The following CDH8 variants were observed in gnomAD, a reference collection of about 807,000 sequenced individuals.
CDH8 encodes the protein cadherin-8.
Under a neutral mutation model 68.1 loss-of-function variants are expected in CDH8, and 17 were observed. The ratio of observed to expected loss-of-function variants is 0.25; its 90% CI spans 0.17 to 0.37. The LOEUF (loss-of-function observed/expected upper bound fraction) is 0.37. Ranked by LOEUF, CDH8 falls within the 10% of genes least tolerant of loss-of-function variation. The pLI is 1.00. For missense variants in CDH8, 763 were observed against 999.3 expected, an observed-to-expected ratio of 0.76 and a Z score of 3.19; for synonymous variants, 372 against 365.1, an observed-to-expected ratio of 1.02 and a Z score of -0.21.
chr16:61,789,899 A>G (rs2083212381), intron 7 of CDH8, among the ~76,000 whole-genome samples: 1 of 152,006 alleles, frequency 6.6e-6, no homozygotes, highest in South Asian at 2.1e-4. Flanking sequence ...TTCAAATAAA[A>G]CATGTATTTT....
chr16:61,715,691 T>C (rs1332649288), intron 9 of CDH8, among the ~76,000 whole-genome samples: 4 of 151,674 alleles, frequency 2.6e-5, no homozygotes, highest in African/African-American at 9.7e-5. Context: ...TTATATTTAC[T>C]GTACCTAAAC....
At chr16:61,673,968 C>T (rs911555913) in intron 10 of CDH8, among the ~76,000 whole-genome samples, 4 of 152,038 alleles carry the variant, frequency 2.6e-5, no homozygotes, top group African/African-American at 9.7e-5. Flanking sequence ...ATCCAAGAGG[C>T]CTGGCCAGAA....
Position 61,974,687 on chromosome 16 carries a change from C to A in CDH8, c.252+46465G>T, listed in dbSNP as rs988638621. ...CCGCATCACAGCGAAGTATTCTCTG[C>A]ATATTTTGTTTCAGCGTCTTAAGTG... On this transcript the variant is annotated intron_variant, in intron 2 of 11. Transcript: ENST00000577390. Among the ~76,000 whole-genome samples, 11 of 152,142 alleles carry A rather than the reference C, an allele frequency of 7.2e-5. No individual in the cohort carries two copies. In the East Asian group the frequency reaches 9.6e-4, roughly 13 times the overall value.
intron 3 of CDH8, among the ~76,000 whole-genome samples, chr16:61,885,858 T>C (rs962658417): frequency 1.3e-5 from 2 of 152,158 alleles, no homozygotes; most frequent in African/African-American, 4.8e-5. Flanking sequence ...TTAACAGTAA[T>C]TTCAAAAAGA....
At position 62,013,171 on chromosome 16, in the gene CDH8, C is replaced by T. The variant is rs1198700863; in HGVS notation, c.252+7981G>A. On this transcript the variant is annotated intron_variant, in intron 2 of 11. Coordinates refer to ENST00000577390, the MANE Select transcript of CDH8 (RefSeq NM_001796.5). ...TGGGGAGGCTGAGGCAGGAGAATGG[C>T]GTGAACCCGGGAAGCGGAGCTTGCA... Among the ~76,000 whole-genome samples, 4 of 69,304 alleles carry T rather than the reference C, an allele frequency of 5.8e-5. 2 individuals carry two copies. Among genetic ancestry groups the T allele is most frequent in the African/African-American group, 1.0e-4 (2 of 19,328 alleles). 45.5% of individuals were successfully genotyped at this position (69,304 alleles called of 152,430 possible). A position where few individuals can be genotyped will look rare whatever the true frequency, so the allele number is the denominator to read the frequency against.
At chr16:61,703,538 C>T (rs531972658) in intron 10 of CDH8, among the ~76,000 whole-genome samples, 33 of 152,190 alleles carry the variant, frequency 2.2e-4, no homozygotes, top group Admixed American at 2.0e-3. Context: ...AAACTATGCA[C>T]TGATAAAATG....
chr16:61,943,246 G>T (rs573392023), intron 2 of CDH8, among the ~76,000 whole-genome samples: 2 of 152,282 alleles, frequency 1.3e-5, no homozygotes, highest in East Asian at 3.9e-4. Flanking sequence ...GCCTTATCTG[G>T]ATTCGTCTGT....
At chr16:61,733,454 AAAAT>A (rs1400265532) in intron 8 of CDH8, among the ~76,000 whole-genome samples, 1 of 151,876 alleles carries the variant, frequency 6.6e-6, no homozygotes, top group Non-Finnish European at 1.5e-5. Flanking sequence ...ATTTGACACT[AAAAT>A]AAAATAATAA....
At chr16:61,800,697 T>C (rs1009713399) in intron 7 of CDH8, among the ~76,000 whole-genome samples, 2 of 152,168 alleles carry the variant, frequency 1.3e-5, no homozygotes, top group Non-Finnish European at 2.9e-5. Context: ...TTCATACTCA[T>C]GGGGTAGAGC....
intron 2 of CDH8, among the ~76,000 whole-genome samples, chr16:62,014,481 C>T (rs1901889233): frequency 6.6e-6 from 1 of 152,148 alleles, no homozygotes; most frequent in Non-Finnish European, 1.5e-5. Context: ...ATTGTTCCCA[C>T]AAGGCCAAAG....
chr16:61,883,711 G>A (rs1046927796), intron 3 of CDH8, among the ~76,000 whole-genome samples: 9 of 151,044 alleles, frequency 6.0e-5, no homozygotes, highest in African/African-American at 2.0e-4. Context: ...ACTAAGAGGT[G>A]GATTCAATGC....
chr16:61,930,318 C>T (rs973665974), intron 2 of CDH8, among the ~76,000 whole-genome samples: 17 of 150,386 alleles, frequency 1.1e-4, no homozygotes, highest in African/African-American at 3.7e-4. Context: ...CCTATGTATA[C>T]GCAGGCATTT....
Position 61,824,920 on chromosome 16 carries a change from G to A in CDH8, c.835+92C>T, listed in dbSNP as rs1207425267. 2.8e-6 allele frequency: 3 copies of A among 1,089,686 alleles called. No homozygotes were observed. The South Asian group carries it at 4.3e-5, about 16-fold the overall frequency. The allele number at this position is 1,089,686 out of a possible 1,614,324, so 67.5% of individuals were successfully genotyped here. On this transcript the variant is annotated intron_variant, in intron 5 of 11. Coordinates refer to ENST00000577390, the MANE Select transcript of CDH8 (RefSeq NM_001796.5). ...CATAATAAGCCACTCAATAGTTGCTGTCAGGTTTTTAATTATCACTAAAAA... is the reference window on the plus strand; with the variant it reads ...CATAATAAGCCACTCAATAGTTGCTATCAGGTTTTTAATTATCACTAAAAA...
At chr16:62,025,385 A>T (rs57552892) in intron 1 of CDH8, among the ~76,000 whole-genome samples, 74,715 of 151,490 alleles carry the variant, frequency 0.49, 19,457 homozygotes, top group African/African-American at 0.67. Flanking sequence ...TGAAGAGAAG[A>T]GCATGTTTGA....
chr16:61,957,788 TG>T (rs1041401858), intron 2 of CDH8, among the ~76,000 whole-genome samples: 1 of 152,162 alleles, frequency 6.6e-6, no homozygotes, highest in Admixed American at 6.6e-5. Context: ...ATTTACAGCT[TG>T]AATGTAATCC....
At chr16:61,962,068 A>G (rs964521755) in intron 2 of CDH8, among the ~76,000 whole-genome samples, 1 of 152,250 alleles carries the variant, frequency 6.6e-6, no homozygotes, top group African/African-American at 2.4e-5. Context: ...GAAAACTATA[A>G]GGAAGAGAAA....
intron 9 of CDH8, among the ~76,000 whole-genome samples, chr16:61,722,724 G>A (rs1424625735): frequency 6.6e-6 from 1 of 150,738 alleles, no homozygotes; most frequent in Non-Finnish European, 1.5e-5. Context: ...TATATATTAT[G>A]TGTCAAGCAT....
At chr16:62,022,867 C>T (rs980054276) in intron 1 of CDH8, among the ~76,000 whole-genome samples, 3 of 152,124 alleles carry the variant, frequency 2.0e-5, no homozygotes, top group East Asian at 3.9e-4. Context: ...AATCACCCTG[C>T]TTGTCATTCT....
chr16:61,867,740 T>C (rs1963283254), intron 3 of CDH8, among the ~76,000 whole-genome samples: 2 of 152,146 alleles, frequency 1.3e-5, no homozygotes, highest in South Asian at 4.1e-4. Flanking sequence ...TCCACAACTA[T>C]CCACATAGCT....
Sources: allele counts gnomAD v4.1 joint callset (sites outside exome capture counted in the v4.1 genomes callset), GRCh38; gene constraint gnomAD v4.1.1; transcripts MANE v1.5; gene names NCBI Gene and HGNC (gene_info 2026-07-23, HGNC 2026-07-21).